The following PTPDC1 variants were observed in gnomAD, a reference collection of about 807,000 sequenced individuals.
PTPDC1 encodes the protein protein tyrosine phosphatase domain containing 1, also known as protein tyrosine phosphatase domain-containing protein 1.
PTPDC1 carries 53 observed loss-of-function variants against 75.3 expected under a neutral mutation model. The observed-to-expected ratio is 0.70, with a 90% CI of 0.56 to 0.88. The LOEUF is 0.88. Ranked by LOEUF, PTPDC1 falls within the 40% of genes least tolerant of loss-of-function variation. PTPDC1 has a pLI of 0.00. For synonymous variants in PTPDC1, 349 were observed against 366.2 expected (o/e 0.95, Z 0.54); for missense variants, 925 against 998.6 (o/e 0.93, Z 0.99).
chr9:94,075,979 GGT>G (rs968388252), intron 2 of PTPDC1, among the ~76,000 whole-genome samples: 2 of 151,090 alleles, frequency 1.3e-5, no homozygotes, highest in Non-Finnish European at 3.0e-5. Flanking sequence ...TTTTTGTTTT[GGT>G]GTGTGTGTGT....
rs540723192 is a variant in PTPDC1, at chr9:94,098,590, T to C, written c.2013+11T>C. On this transcript the variant is annotated intron_variant, in intron 6 of 8. Transcript: ENST00000620992. ...GTAGAAATGTGGCAGGTATTATTAG[T>C]ACTTAATTTAATTATAGATATGTGG... is the stretch of plus-strand genomic sequence containing the variant. The C allele has an allele frequency of 1.3e-6, 2 of 1,590,094 alleles. No homozygotes were observed. Among genetic ancestry groups the C allele is most frequent in the Admixed American group, 1.7e-5 (1 of 59,994 alleles).
At chr9:94,081,545 T>G (rs1407263991), upstream of PTPDC1, among the ~76,000 whole-genome samples, 1 of 152,112 alleles carries the variant, frequency 6.6e-6, no homozygotes, top group Non-Finnish European at 1.5e-5. Context: ...AAATTAAAAA[T>G]TAAAACTAAA....
At chr9:94,088,301 G>T (rs1196595166) in intron 4 of PTPDC1, 38 bp downstream of exon 4, 1 of 1,601,116 alleles carries the variant, frequency 6.2e-7, no homozygotes, top group Non-Finnish European at 8.5e-7. Flanking sequence ...AATTATCAAG[G>T]GCAGCACTCA....
intron 1 of PTPDC1, among the ~76,000 whole-genome samples, chr9:94,055,661 G>A (rs78774064): frequency 0.026 from 3,902 of 152,234 alleles, 163 homozygotes; most frequent in African/African-American, 0.089. Flanking sequence ...CATGGAGACA[G>A]TAAAAAGATC....
intron 8 of PTPDC1, 94 bp from the exon 9 acceptor site, chr9:94,107,734 T>C: frequency 1.7e-6 from 1 of 574,712 alleles, no homozygotes; most frequent in Non-Finnish European, 3.0e-6. Flanking sequence ...TGTTTGTAAG[T>C]CTGTTTTTTT....
chr9:94,065,905 GAAT>G (rs1826286808), intron 2 of PTPDC1, among the ~76,000 whole-genome samples: 1 of 152,206 alleles, frequency 6.6e-6, no homozygotes, highest in African/African-American at 2.4e-5. Context: ...TTCCCTTCTA[GAAT>G]AATGTTTCTT....
chr9:94,081,366 T>A (rs10993046), upstream of PTPDC1, among the ~76,000 whole-genome samples: 1 of 152,098 alleles, frequency 6.6e-6, no homozygotes. Context: ...TATAAAATAT[T>A]CTCAAAAATA....
In PTPDC1 at chr9:94,098,691, G is replaced by A. The variant is rs1054131236; in HGVS notation, c.2013+112G>A. 4 of 919,874 alleles carry A rather than the reference G, an allele frequency of 4.3e-6. No homozygotes were observed. In the African/African-American group the frequency reaches 6.7e-5, roughly 15 times the overall value. 57.0% of individuals were successfully genotyped at this position (919,874 alleles called of 1,614,324 possible). A position where few individuals can be genotyped will look rare whatever the true frequency, so the allele number is the denominator to read the frequency against. On this transcript the variant is annotated intron_variant, in intron 6 of 8. Coordinates refer to ENST00000620992, the MANE Select transcript of PTPDC1 (RefSeq NM_001253829.2). ...ATTATAGAAATGTGAAGATACGTTT[G>A]CATAATACTTTCTAACTTCAGGTTT... is the stretch of plus-strand genomic sequence containing the variant.
intron 4 of PTPDC1, among the ~76,000 whole-genome samples, chr9:94,093,139 G>T (rs1371376529): frequency 6.6e-6 from 1 of 152,012 alleles, no homozygotes; most frequent in African/African-American, 2.4e-5. Flanking sequence ...GATGTTAGCT[G>T]GTTATTTTGC....
At chr9:94,034,508 G>T (rs896918241) in intron 1 of PTPDC1, among the ~76,000 whole-genome samples, 1 of 152,146 alleles carries the variant, frequency 6.6e-6, no homozygotes, top group Admixed American at 6.5e-5. Flanking sequence ...CTCCAGCCTG[G>T]ACAATAGAGT....
chr9:94,047,783 T>C (rs1239976906), intron 1 of PTPDC1, among the ~76,000 whole-genome samples: 2 of 152,120 alleles, frequency 1.3e-5, no homozygotes, highest in Admixed American at 1.3e-4. Flanking sequence ...GAGAATACTA[T>C]AAACACCTCT....
intron 4 of PTPDC1, among the ~76,000 whole-genome samples, chr9:94,089,213 A>T (rs1195217163): frequency 4.5e-5 from 6 of 132,182 alleles, no homozygotes; most frequent in Non-Finnish European, 9.7e-5. Context: ...ATATCTCCCA[A>T]TGCTATCCCT....
chr9:94,102,418 G>C (rs1293053637), intron 7 of PTPDC1, among the ~76,000 whole-genome samples: 3 of 151,826 alleles, frequency 2.0e-5, no homozygotes, highest in African/African-American at 7.2e-5. Flanking sequence ...GGAGAAATAA[G>C]AAACTGGTAA....
chr9:94,083,108 C>G (rs1477774873), upstream of PTPDC1, among the ~76,000 whole-genome samples: 1 of 152,206 alleles, frequency 6.6e-6, no homozygotes, highest in Non-Finnish European at 1.5e-5. Flanking sequence ...TAGACTCCCT[C>G]TTACACAGAT....
chr9:94,058,676 T>G (rs1193173493), intron 1 of PTPDC1, among the ~76,000 whole-genome samples: 1 of 147,486 alleles, frequency 6.8e-6, no homozygotes, highest in Non-Finnish European at 1.5e-5. Flanking sequence ...ACTGTACTCC[T>G]GCCTGGGGGA....
In PTPDC1 at chr9:94,098,231, G is replaced by A; in HGVS notation, c.1665G>A (p.Gly555=). Residue 555 remains glycine (G), a synonymous_variant, in exon 6 of 9, where the codon GGG becomes GGA. Coordinates refer to ENST00000620992, the MANE Select transcript of PTPDC1 (RefSeq NM_001253829.2). ...SADVSGSHSP[G]EPVSPSFANV... ...ATGTTTCAGGCTCACACAGCCCTGG[G>A]GAGCCAGTTTCACCCAGCTTTGCAA... is the stretch of plus-strand genomic sequence containing the variant. The A allele has an allele frequency of 6.2e-7, 1 of 1,614,176 alleles. No homozygotes were observed. Among genetic ancestry groups the A allele is most frequent in the Non-Finnish European group, 8.5e-7 (1 of 1,180,028 alleles).
In PTPDC1 at chr9:94,097,344, G is replaced by A. The variant is rs751501702; in HGVS notation, c.778G>A (p.Val260Ile). The A allele has an allele frequency of 6.2e-7, 1 of 1,610,118 alleles. No individual in the cohort carries two copies. Among genetic ancestry groups the A allele is most frequent in the East Asian group, 2.2e-5 (1 of 44,800 alleles). The change falls in exon 6 of 9, where the codon GTT (valine) becomes ATT (isoleucine). Residue 260 changes from valine (V) to isoleucine (I), a missense_variant. Transcript: ENST00000620992. ...AGGTGTTTTAATAGCCTGTTACTTA[G>A]TTTTTGCAACGAGAATGACTGCTGA... ...RTGVLIACYL[V>I]FATRMTADQA...
intron 1 of PTPDC1, among the ~76,000 whole-genome samples, chr9:94,043,246 G>A (rs1825484475): frequency 6.6e-6 from 1 of 152,004 alleles, no homozygotes; most frequent in African/African-American, 2.4e-5. Flanking sequence ...GATATTGCTA[G>A]TTTTTTTAAA....
intron 4 of PTPDC1, among the ~76,000 whole-genome samples, chr9:94,093,535 A>G (rs1219238433): frequency 2.7e-5 from 4 of 150,470 alleles, no homozygotes; most frequent in African/African-American, 7.4e-5. Context: ...CTTCATTTCA[A>G]CTTTGGTGAA....
Sources: gnomAD v4.1 joint callset for allele counts (sites outside exome capture counted in the v4.1 genomes callset) on GRCh38, gnomAD v4.1.1 for gene constraint, MANE v1.5 for transcripts, NCBI Gene and HGNC (gene_info 2026-07-23, HGNC 2026-07-21) for gene names.